Variants in TMEM132B observed in about 807,000 individuals in gnomAD.
TMEM132B encodes transmembrane protein 132B.
In TMEM132B, 18 loss-of-function variants were observed where a neutral mutation model predicts 90.8. The ratio of observed to expected loss-of-function variants is 0.20; its 90% CI spans 0.14 to 0.29. The LOEUF is 0.29. Ranked by LOEUF, TMEM132B falls within the 10% of genes least tolerant of loss-of-function variation. TMEM132B has a pLI of 1.00. For missense variants in TMEM132B, 1,096 were observed against 1,326.8 expected, an observed-to-expected ratio of 0.83 and a Z score of 2.70; for synonymous variants, 504 against 523.3, an observed-to-expected ratio of 0.96 and a Z score of 0.50.
intron 1 of TMEM132B, among the ~76,000 whole-genome samples, chr12:125,316,170 C>G (rs1398109491): frequency 2.0e-5 from 3 of 152,226 alleles, no homozygotes; most frequent in Non-Finnish European, 2.9e-5. Context: ...CTACACAGAT[C>G]CATATCTGCC....
intron 3 of TMEM132B, among the ~76,000 whole-genome samples, chr12:125,433,298 C>T (rs1026414241): frequency 6.6e-6 from 1 of 152,084 alleles, no homozygotes; most frequent in Non-Finnish European, 1.5e-5. Flanking sequence ...GGCTGTGGAA[C>T]GTCACGGTCA....
At chr12:125,337,440 G>C (rs531434566) in intron 1 of TMEM132B, among the ~76,000 whole-genome samples, 3 of 152,182 alleles carry the variant, frequency 2.0e-5, no homozygotes, top group African/African-American at 7.2e-5. Context: ...GGGCTTCAGT[G>C]TTTCCTGCTT....
At chr12:125,521,560 C>T (rs1245791068) in intron 4 of TMEM132B, among the ~76,000 whole-genome samples, 1 of 152,172 alleles carries the variant, frequency 6.6e-6, no homozygotes, top group Non-Finnish European at 1.5e-5. Flanking sequence ...AGATGTAGAA[C>T]AGAAGAGAGC....
chr12:125,323,457 A>T (rs562734692), intron 1 of TMEM132B, among the ~76,000 whole-genome samples: 1 of 144,952 alleles, frequency 6.9e-6, no homozygotes, highest in Non-Finnish European at 1.5e-5. Flanking sequence ...ACAAAAACAA[A>T]CAAAAAACAA....
At chr12:125,385,835 A>T (rs1444298008) in intron 2 of TMEM132B, among the ~76,000 whole-genome samples, 1 of 152,162 alleles carries the variant, frequency 6.6e-6, no homozygotes, top group Non-Finnish European at 1.5e-5. Context: ...TGAGTGTCTT[A>T]TATTTGCCAG....
In TMEM132B at chr12:125,583,983, G is replaced by A; in HGVS notation, c.1426G>A (p.Asp476Asn). The change falls in exon 5 of 9, where the codon GAT (aspartate) becomes AAT (asparagine). Residue 476 changes from aspartate (D) to asparagine (N), a missense_variant. Transcript: ENST00000682704. The stretch of plus-strand genomic sequence containing the variant: ...TGTGGAATGCAAGTCTGCCGATGAA[G>A]ATGTCATTAAGGTAAGGGGGGATTT... The part of the protein sequence containing the change: ...ESVECKSADE[D>N]VIKVSNNCDS... 1.9e-6 allele frequency: 3 copies of A among 1,614,212 alleles called. No homozygotes were observed. Among genetic ancestry groups the A allele is most frequent in the Non-Finnish European group, 2.5e-6 (3 of 1,180,030 alleles).
chr12:125,302,695 T>C (rs1367202949), intron 1 of TMEM132B, among the ~76,000 whole-genome samples: 1 of 152,214 alleles, frequency 6.6e-6, no homozygotes, highest in Admixed American at 6.5e-5. Flanking sequence ...ATTTGCCACT[T>C]TAACCATTTT....
intron 5 of TMEM132B, among the ~76,000 whole-genome samples, chr12:125,594,930 C>T (rs1168752534): frequency 6.6e-6 from 1 of 152,042 alleles, no homozygotes; most frequent in South Asian, 2.1e-4. Flanking sequence ...TCATCAGCTC[C>T]CACCCTGCCT....
At chr12:125,635,144 A>G (rs1453369088) in intron 5 of TMEM132B, among the ~76,000 whole-genome samples, 3 of 152,104 alleles carry the variant, frequency 2.0e-5, no homozygotes, top group Non-Finnish European at 4.4e-5. Flanking sequence ...GGATTTATTT[A>G]TTTAATTTAT....
At chr12:125,215,543 C>CT (rs953090732) in intron 1 of TMEM132B, among the ~76,000 whole-genome samples, 5 of 151,958 alleles carry the variant, frequency 3.3e-5, no homozygotes, top group East Asian at 1.9e-4. Flanking sequence ...TGCCTCTTTT[C>CT]TTTTTTTTCT....
intron 5 of TMEM132B, among the ~76,000 whole-genome samples, chr12:125,640,799 A>G (rs1429842425): frequency 2.0e-5 from 3 of 152,132 alleles, no homozygotes; most frequent in African/African-American, 7.2e-5. Context: ...TACTGCATTG[A>G]AAGGAGAGTG....
At chr12:125,229,417 C>T (rs1873764557) in intron 1 of TMEM132B, among the ~76,000 whole-genome samples, 1 of 152,206 alleles carries the variant, frequency 6.6e-6, no homozygotes, top group Admixed American at 6.5e-5. Flanking sequence ...AGGTTCATTC[C>T]TCTTCCATTA....
intron 2 of TMEM132B, among the ~76,000 whole-genome samples, chr12:125,399,597 CT>C (rs1362738825): frequency 6.6e-6 from 1 of 151,616 alleles, no homozygotes; most frequent in Non-Finnish European, 1.5e-5. Flanking sequence ...CTACCAACAC[CT>C]TGATTTCAGA....
At chr12:125,286,647 G>C (rs1031254351) in intron 1 of TMEM132B, among the ~76,000 whole-genome samples, 1 of 152,054 alleles carries the variant, frequency 6.6e-6, no homozygotes, top group Admixed American at 6.5e-5. Flanking sequence ...CAGTTTCACT[G>C]GGCTAAAATG....
intron 5 of TMEM132B, among the ~76,000 whole-genome samples, chr12:125,609,677 C>T (rs1255659409): frequency 7.3e-5 from 11 of 151,428 alleles, no homozygotes; most frequent in Admixed American, 1.3e-4. Context: ...ATTAGCCGGG[C>T]GTGGTGGCGG....
At chr12:125,639,213 C>G (rs771216305) in intron 5 of TMEM132B, among the ~76,000 whole-genome samples, 15 of 152,206 alleles carry the variant, frequency 9.9e-5, no homozygotes, top group African/African-American at 1.2e-4. Flanking sequence ...GATCTTAATT[C>G]TGAGTTAAAA....
At chr12:125,430,577 C>T (rs1217529046) in intron 3 of TMEM132B, among the ~76,000 whole-genome samples, 1 of 152,130 alleles carries the variant, frequency 6.6e-6, no homozygotes, top group African/African-American at 2.4e-5. Context: ...AGGTTGATGG[C>T]CTGGGCAGCA....
intron 3 of TMEM132B, among the ~76,000 whole-genome samples, chr12:125,481,822 T>C (rs1882051089): frequency 6.6e-6 from 1 of 152,168 alleles, no homozygotes; most frequent in Non-Finnish European, 1.5e-5. Context: ...AGAACAAAGC[T>C]GGAGGCATCG....
chr12:125,588,161 G>A (rs1885225260), intron 5 of TMEM132B: 1 of 152,192 alleles, frequency 6.6e-6, no homozygotes, highest in African/African-American at 2.4e-5. Flanking sequence ...TGTTGCTAAA[G>A]ATCCTGACTC....
Sources: allele counts gnomAD v4.1 joint callset (sites outside exome capture counted in the v4.1 genomes callset), GRCh38; gene constraint gnomAD v4.1.1; transcripts MANE v1.5; gene names NCBI Gene and HGNC (gene_info 2026-07-23, HGNC 2026-07-21).